PPP1R16B: variants seen among roughly 807,000 people sequenced by gnomAD.
PPP1R16B encodes protein phosphatase 1 regulatory subunit 16B.
A neutral mutation model predicts 61.7 loss-of-function variants in PPP1R16B; 14 were observed. The observed-to-expected ratio is 0.23, with a 90% confidence interval of 0.15 to 0.35. The LOEUF (loss-of-function observed/expected upper bound fraction) is 0.35, where lower values mean the gene tolerates loss of function less well. Among genes scored for constraint, PPP1R16B ranks in the 10% least tolerant of loss-of-function variants. The pLI is 1.00. For missense variants in PPP1R16B, 547 were observed against 752.5 expected (o/e 0.73, Z 3.19); for synonymous variants, 266 against 305.3 (o/e 0.87, Z 1.34).
intron 1 of PPP1R16B, among the ~76,000 whole-genome samples, chr20:38,816,371 T>A (rs1462735208): frequency 6.6e-6 from 1 of 152,168 alleles, no homozygotes; most frequent in Non-Finnish European, 1.5e-5. Context: ...AGAGGTTGGA[T>A]GTAGGTGGCA....
At chr20:38,899,697 G>A (rs2085376563) in intron 4 of PPP1R16B, among the ~76,000 whole-genome samples, 1 of 152,186 alleles carries the variant, frequency 6.6e-6, no homozygotes, top group Admixed American at 6.5e-5. Context: ...ATAGAACATG[G>A]AGAAGTAAAA....
chr20:38,892,257 T>C (rs2085297897), intron 3 of PPP1R16B, among the ~76,000 whole-genome samples: 1 of 152,092 alleles, frequency 6.6e-6, no homozygotes, highest in Non-Finnish European at 1.5e-5. Flanking sequence ...CCACCTCACA[T>C]AGTGCCTCAA....
intron 2 of PPP1R16B, among the ~76,000 whole-genome samples, chr20:38,873,746 T>G (rs6513585): frequency 0.11 from 15,928 of 149,582 alleles, 1,085 homozygotes; most frequent in African/African-American, 0.17. Context: ...TTTTTTTGTT[T>G]TTTTTTTTTT....
intron 10 of PPP1R16B, among the ~76,000 whole-genome samples, chr20:38,909,884 A>G (rs763686610): frequency 2.0e-5 from 3 of 152,234 alleles, no homozygotes; most frequent in Non-Finnish European, 2.9e-5. Flanking sequence ...ATCAGTATCA[A>G]ATCACATTTC....
chr20:38,824,230 G>A (rs1468879787), intron 1 of PPP1R16B, among the ~76,000 whole-genome samples: 2 of 152,186 alleles, frequency 1.3e-5, no homozygotes, highest in Non-Finnish European at 2.9e-5. Flanking sequence ...TTTGTTTCTA[G>A]GTTCATTTCA....
At position 38,844,864 on chromosome 20, in the gene PPP1R16B, T is replaced by TA. The variant is rs1215161435; in HGVS notation, c.250+8691dup. ...TACTGTGAAAATTATTTTGATGTTT[T>TA]AATACCCTGAAAGAGTCTAGAGACC... On this transcript the variant is annotated intron_variant, in intron 2 of 10. Transcript: ENST00000299824. Among the ~76,000 whole-genome samples the TA allele has an allele frequency of 2.0e-5, 3 of 152,196 alleles. No homozygotes were observed. The East Asian group carries it at 5.8e-4, about 29-fold the overall frequency.
At chr20:38,827,246 T>G (rs544586546) in intron 1 of PPP1R16B, among the ~76,000 whole-genome samples, 1 of 152,362 alleles carries the variant, frequency 6.6e-6, no homozygotes, top group Middle Eastern at 3.4e-3. Context: ...CCTTTTTTGT[T>G]GCCTTTTGTT....
intron 1 of PPP1R16B, among the ~76,000 whole-genome samples, chr20:38,822,504 C>CTTT (rs972450839): frequency 1.1e-3 from 115 of 104,180 alleles, no homozygotes; most frequent in East Asian, 2.0e-3. Flanking sequence ...GCCTTCCAAT[C>CTTT]TTTTTTTTTT....
At chr20:38,890,901 C>A (rs1209259816) in intron 3 of PPP1R16B, among the ~76,000 whole-genome samples, 1 of 152,178 alleles carries the variant, frequency 6.6e-6, no homozygotes, top group Non-Finnish European at 1.5e-5. Context: ...TGCCCGTAAG[C>A]CCCAGGGGCA....
rs1568684789 is a variant in PPP1R16B, at chr20:38,908,157, C to T, written c.1158C>T (p.Ile386=). The T allele has an allele frequency of 6.2e-7, 1 of 1,614,258 alleles. No individual in the cohort carries two copies. Among genetic ancestry groups the T allele is most frequent in the Non-Finnish European group, 8.5e-7 (1 of 1,180,044 alleles). Residue 386 remains isoleucine, a synonymous_variant, in exon 10 of 11, where the codon ATC becomes ATT. Coordinates refer to ENST00000299824, the MANE Select transcript of PPP1R16B (RefSeq NM_015568.4). The part of the protein sequence containing the change: ...DQRTSTYNGD[I]RETRTDQENK... ...GGACCTCCACCTACAACGGGGACAT[C>T]AGGGAGACCAGGACAGACCAAGAGA...
chr20:38,873,746 T>TTTG (rs1395486991), intron 2 of PPP1R16B, among the ~76,000 whole-genome samples: 9 of 149,494 alleles, frequency 6.0e-5, no homozygotes, highest in African/African-American at 1.7e-4. Flanking sequence ...TTTTTTTGTT[T>TTTG]TTTTTTTTTT....
At chr20:38,903,264 T>A (rs138896850) in intron 6 of PPP1R16B, among the ~76,000 whole-genome samples, 2 of 152,294 alleles carry the variant, frequency 1.3e-5, no homozygotes, top group East Asian at 3.9e-4. Context: ...CACCCCAGGC[T>A]TCATGTGTCC....
At chr20:38,845,960 G>A (rs1568660313) in intron 2 of PPP1R16B, among the ~76,000 whole-genome samples, 1 of 152,206 alleles carries the variant, frequency 6.6e-6, no homozygotes, top group African/African-American at 2.4e-5. Context: ...GTCACTGGGC[G>A]ATGCAGAAAT....
At chr20:38,814,864 T>C (rs1205704418) in intron 1 of PPP1R16B, among the ~76,000 whole-genome samples, 1 of 152,192 alleles carries the variant, frequency 6.6e-6, no homozygotes, top group African/African-American at 2.4e-5. Context: ...TTGACACTTA[T>C]TCTCTTTAGG....
chr20:38,867,474 A>G (rs978087864), intron 2 of PPP1R16B, among the ~76,000 whole-genome samples: 1 of 152,136 alleles, frequency 6.6e-6, no homozygotes, highest in Non-Finnish European at 1.5e-5. Context: ...AAACCATTCA[A>G]TCTCTCTGTG....
In PPP1R16B at chr20:38,895,854, T is replaced by C. The variant is rs1172248889; in HGVS notation, c.467+144T>C. ...TTTCTCTCCTCCCTTCCTCCTTCCT[T>C]CTTTCTTCCCTCCCTCCCTCCTTCC... On this transcript the variant is annotated intron_variant, in intron 4 of 10. Transcript: ENST00000299824. 8.0e-6 allele frequency: 6 copies of C among 750,114 alleles called. No individual in the cohort carries two copies. In the African/African-American group the frequency reaches 1.3e-4, roughly 16 times the overall value. The allele number at this position is 750,114 out of a possible 1,614,324, so 46.5% of individuals were successfully genotyped here.
At chr20:38,909,006 T>G (rs1203401715) in intron 10 of PPP1R16B, among the ~76,000 whole-genome samples, 2 of 152,174 alleles carry the variant, frequency 1.3e-5, no homozygotes, top group Non-Finnish European at 2.9e-5. Flanking sequence ...ATTTTTATTT[T>G]ATTGGTTTTT....
intron 10 of PPP1R16B, among the ~76,000 whole-genome samples, chr20:38,909,407 A>AT (rs1418665349): frequency 2.0e-5 from 3 of 152,204 alleles, no homozygotes; most frequent in African/African-American, 7.2e-5. Flanking sequence ...CTATTTCTAG[A>AT]TAAAGTCACA....
intron 2 of PPP1R16B, among the ~76,000 whole-genome samples, chr20:38,857,994 A>G (rs2085019908): frequency 6.6e-6 from 1 of 152,140 alleles, no homozygotes; most frequent in Non-Finnish European, 1.5e-5. Flanking sequence ...TCCAAGATCA[A>G]GGTGCCAGAA....
Sources: allele counts gnomAD v4.1 joint callset (sites outside exome capture counted in the v4.1 genomes callset), GRCh38; gene constraint gnomAD v4.1.1; transcripts MANE v1.5; gene names NCBI Gene and HGNC (gene_info 2026-07-23, HGNC 2026-07-21).